The following AGAP1 variants were observed in gnomAD, a reference collection of about 807,000 sequenced individuals.
AGAP1 encodes ArfGAP with GTPase domain, ankyrin repeat and PH domain 1, also known as arf-GAP with GTPase, ANK repeat and PH domain-containing protein 1.
In AGAP1, 29 loss-of-function variants were observed where a neutral mutation model predicts 105.3. That is an observed-to-expected ratio of 0.28 (90% CI 0.21 to 0.38). The LOEUF (loss-of-function observed/expected upper bound fraction) is 0.38. Among genes scored for constraint, AGAP1 ranks in the 10% least tolerant of loss-of-function variants. AGAP1 has a pLI of 1.00. For missense variants in AGAP1, 998 were observed against 1,165.1 expected (o/e 0.86, Z 2.09); for synonymous variants, 509 against 485.9 (o/e 1.05, Z -0.63).
chr2:235,561,912 T>G (rs1191690374), intron 1 of AGAP1, among the ~76,000 whole-genome samples: 1 of 152,208 alleles, frequency 6.6e-6, no homozygotes, highest in Admixed American at 6.5e-5. Context: ...TTTACAAAAT[T>G]CAAGGCTTTT....
At chr2:235,506,518 CAAAAA>C (rs894231515) in intron 1 of AGAP1, among the ~76,000 whole-genome samples, 6 of 130,494 alleles carry the variant, frequency 4.6e-5, no homozygotes, top group Admixed American at 3.9e-4. Context: ...GATCTTGTCT[CAAAAA>C]AAAAAAAAAT....
At position 235,967,873 on chromosome 2, in the gene AGAP1, G is replaced by T. The variant is rs1196177999; in HGVS notation, c.1484-589G>T. ...AGTAGCTTCAATGAATCAAAAATTG[G>T]CAGGCCTACTATATCGACTTCCAAA... On this transcript the variant is annotated intron_variant, in intron 12 of 17. Transcript: ENST00000304032. This position sits in a 1 kb window ranked among gnomAD's most constrained non-coding sequence, Gnocchi z 4.7. Among the ~76,000 whole-genome samples, 1 of 152,158 alleles carries T rather than the reference G, an allele frequency of 6.6e-6. No homozygotes were observed. Among genetic ancestry groups the T allele is most frequent in the African/African-American group, 2.4e-5 (1 of 41,432 alleles).
chr2:235,824,034 A>G lies in AGAP1; in HGVS notation c.1050+16703A>G, dbSNP rs1238520613. 6.6e-6 allele frequency among the ~76,000 whole-genome samples: 1 copy of G among 152,252 alleles called. No individual in the cohort carries two copies. The highest frequency in any genetic ancestry group is 1.5e-5 in the Non-Finnish European group (1 of 68,048). The stretch of plus-strand genomic sequence containing the variant: ...CTATCCTAAAACCAGTGGTCTTCAC[A>G]TTGAAGGGCCTTATGTAGCACCGAG... On this transcript the variant is annotated intron_variant, in intron 9 of 17. Transcript: ENST00000304032. The surrounding 1 kb of genome is among the most constrained non-coding windows in gnomAD (Gnocchi z 5.2).
intron 1 of AGAP1, among the ~76,000 whole-genome samples, chr2:235,558,991 C>CT (rs1944062996): frequency 6.6e-6 from 1 of 152,014 alleles, no homozygotes; most frequent in Non-Finnish European, 1.5e-5. Context: ...GGTGTGATCT[C>CT]TGCTCACTGC....
rs79427349 is a variant in AGAP1, at chr2:235,608,663, G to A, written c.164-100516G>A. On this transcript the variant is annotated intron_variant, in intron 1 of 17. Transcript: ENST00000304032. The surrounding 1 kb of genome is among the most constrained non-coding windows in gnomAD (Gnocchi z 5.4). ...AAAACAGTGGAGCCAAGAGAGGAAC[G>A]AGGTCTCTGGATTCCGGACGCCCTG... Among the ~76,000 whole-genome samples, 4,506 of 152,262 alleles carry A rather than the reference G, an allele frequency of 0.03. 206 individuals are homozygous for A. Among genetic ancestry groups the A allele is most frequent in the African/African-American group, 0.1 (4,212 of 41,538 alleles).
At chr2:235,794,691 C>CG (rs1475931056) in intron 6 of AGAP1, among the ~76,000 whole-genome samples, 42 of 152,084 alleles carry the variant, frequency 2.8e-4, no homozygotes, top group Admixed American at 2.1e-3. Context: ...AGGCTGGACT[C>CG]GAACTCCTGA....
In AGAP1 at chr2:235,843,174, C is replaced by T. The variant is rs1961062297; in HGVS notation, c.1050+35843C>T. Among the ~76,000 whole-genome samples, 1 of 151,982 alleles carries T rather than the reference C, an allele frequency of 6.6e-6. No individual in the cohort carries two copies. Among genetic ancestry groups the T allele is most frequent in the Admixed American group, 6.6e-5 (1 of 15,244 alleles). ...TGAAGTCGCTGTTCATCCCTGCAGG[C>T]TCCCTGTACCCCCAGCTCCCAGAAC... On this transcript the variant is annotated intron_variant, in intron 9 of 17. Transcript: ENST00000304032. This position sits in a 1 kb window ranked among gnomAD's most constrained non-coding sequence, Gnocchi z 5.9.
In AGAP1 at chr2:236,058,445, T is replaced by C. The variant is rs995543301; in HGVS notation, c.2114+9164T>C. ...CACGCAAAAATCAATCAATGTGATA[T>C]ACCACATTAATACAGTAAAGAGAGA... is the stretch of plus-strand genomic sequence containing the variant. On this transcript the variant is annotated intron_variant, in intron 16 of 17. Transcript: ENST00000304032. The surrounding 1 kb of genome is among the most constrained non-coding windows in gnomAD (Gnocchi z 4.6). Among the ~76,000 whole-genome samples the C allele has an allele frequency of 9.9e-5, 15 of 152,202 alleles. No homozygotes were observed. Among genetic ancestry groups the C allele is most frequent in the Non-Finnish European group, 2.9e-5 (2 of 68,040 alleles).
chr2:236,106,907 A>T (rs2059510962), intron 16 of AGAP1, among the ~76,000 whole-genome samples: 1 of 152,128 alleles, frequency 6.6e-6, no homozygotes, highest in Admixed American at 6.5e-5. Flanking sequence ...TGCAGTCTAC[A>T]AGGGGGTGGC....
rs1010187529 is a variant in AGAP1, at chr2:235,747,579, T to A, written c.538+2740T>A. On this transcript the variant is annotated intron_variant, in intron 5 of 17. Transcript: ENST00000304032. The surrounding 1 kb of genome is among the most constrained non-coding windows in gnomAD (Gnocchi z 5.0). ...ACGAAAAGTTGCAATCAGGGCTGTA[T>A]TCCTCACCTGCGGGATTCTCTTGGT... is the stretch of plus-strand genomic sequence containing the variant. Among the ~76,000 whole-genome samples the A allele has an allele frequency of 3.3e-5, 5 of 152,190 alleles. No individual in the cohort carries two copies. Among genetic ancestry groups the A allele is most frequent in the African/African-American group, 9.7e-5 (4 of 41,446 alleles).
chr2:235,933,940 T>C (rs1474038413), intron 12 of AGAP1, among the ~76,000 whole-genome samples: 18 of 152,242 alleles, frequency 1.2e-4, no homozygotes, highest in Admixed American at 9.8e-4. Context: ...TAATCTCATT[T>C]GATCCTCACA....
At chr2:235,871,591 T>G (rs901132735) in intron 9 of AGAP1, among the ~76,000 whole-genome samples, 1 of 152,222 alleles carries the variant, frequency 6.6e-6, no homozygotes, top group Admixed American at 6.5e-5. Flanking sequence ...GCCATGTGTT[T>G]TTGATTTTTG....
chr2:235,928,847 C>T (rs1232066736), intron 11 of AGAP1, among the ~76,000 whole-genome samples: 1 of 152,216 alleles, frequency 6.6e-6, no homozygotes, highest in East Asian at 1.9e-4. Flanking sequence ...TGCCATGTCG[C>T]CAGCTCTGGG....
At position 235,754,423 on chromosome 2, in the gene AGAP1, A is replaced by G. The variant is rs1014338162; in HGVS notation, c.673+3935A>G. 7.0e-6 allele frequency among the ~76,000 whole-genome samples: 1 copy of G among 141,944 alleles called. No homozygotes were observed. Among genetic ancestry groups the G allele is most frequent in the Non-Finnish European group, 1.6e-5 (1 of 64,158 alleles). The allele number at this position is 141,944 out of a possible 152,430, so 93.1% of individuals were successfully genotyped here. The stretch of plus-strand genomic sequence containing the variant: ...AATTTCTACATAATGTTTGGCTTGT[A>G]AATAAAAAAAAAAAAAAAATCCAGC... On this transcript the variant is annotated intron_variant, in intron 6 of 17. Coordinates refer to ENST00000304032, the MANE Select transcript of AGAP1 (RefSeq NM_001037131.3). This position sits in a 1 kb window ranked among gnomAD's most constrained non-coding sequence, Gnocchi z 4.6.
intron 1 of AGAP1, among the ~76,000 whole-genome samples, chr2:235,581,346 T>C (rs1221754628): frequency 3.3e-5 from 5 of 151,336 alleles, no homozygotes; most frequent in Non-Finnish European, 1.5e-5. Context: ...AGATGGAGAC[T>C]TGGAGGTTGC....
At position 236,009,371 on chromosome 2, in the gene AGAP1, C is replaced by G. The variant is rs1325159375; in HGVS notation, c.1646-27190C>G. Among the ~76,000 whole-genome samples, 1 of 151,996 alleles carries G rather than the reference C, an allele frequency of 6.6e-6. No homozygotes were observed. The highest frequency in any genetic ancestry group is 1.5e-5 in the Non-Finnish European group (1 of 68,048). Reference sequence around the variant, plus strand: ...ACAAAACCACAGCAGAATCCGCTCACACCTGCCGAGGTTCCTGGGGGATGA... The same window carrying G: ...ACAAAACCACAGCAGAATCCGCTCAGACCTGCCGAGGTTCCTGGGGGATGA... On this transcript the variant is annotated intron_variant, in intron 13 of 17. Coordinates refer to ENST00000304032, the MANE Select transcript of AGAP1 (RefSeq NM_001037131.3). The surrounding 1 kb of genome is among the most constrained non-coding windows in gnomAD (Gnocchi z 4.2).
intron 1 of AGAP1, among the ~76,000 whole-genome samples, chr2:235,580,632 G>A (rs368046935): frequency 1.6e-4 from 24 of 152,144 alleles, no homozygotes; most frequent in African/African-American, 5.6e-4. Flanking sequence ...AGTTCTTGAA[G>A]CTGAGTTTAT....
chr2:235,883,322 A>T lies in AGAP1; in HGVS notation c.1051-23A>T, dbSNP rs75965411. On this transcript the variant is annotated intron_variant, in intron 9 of 17. Coordinates refer to ENST00000304032, the MANE Select transcript of AGAP1 (RefSeq NM_001037131.3). The surrounding 1 kb of genome is among the most constrained non-coding windows in gnomAD (Gnocchi z 4.5). ...TTTTTTTATTTACATTAGAATTTCT[A>T]TTTGGCTCTTTTTCCCTTGTAGGGC... 23 of 1,602,872 alleles carry T rather than the reference A, an allele frequency of 1.4e-5. No individual in the cohort carries two copies. Among genetic ancestry groups the T allele is most frequent in the African/African-American group, 2.7e-5 (2 of 74,442 alleles).
At position 236,123,428 on chromosome 2, in the gene AGAP1, A is replaced by G. The variant is rs142555414; in HGVS notation, c.2371-491A>G. ...AATGAAAAAAATACAAATTATTTGTACAGTCTTATCTCAATTATGTACATA... is the reference window on the plus strand; with the variant it reads ...AATGAAAAAAATACAAATTATTTGTGCAGTCTTATCTCAATTATGTACATA... On this transcript the variant is annotated intron_variant, in intron 17 of 17. Transcript: ENST00000304032. This position sits in a 1 kb window ranked among gnomAD's most constrained non-coding sequence, Gnocchi z 4.6. 6.3e-3 allele frequency among the ~76,000 whole-genome samples: 953 copies of G among 152,342 alleles called. 5 individuals are homozygous for G. The highest frequency in any genetic ancestry group is 0.011 in the Admixed American group (171 of 15,300).
Sources: gnomAD v4.1 joint callset for allele counts (sites outside exome capture counted in the v4.1 genomes callset) on GRCh38, gnomAD v4.1.1 for gene constraint, Gnocchi (gnomAD v3.1) non-coding constraint, MANE v1.5 for transcripts, NCBI Gene and HGNC (gene_info 2026-07-23, HGNC 2026-07-21) for gene names.